Variants in MRC2 observed in about 807,000 individuals in gnomAD.
The protein encoded by MRC2 is C-type mannose receptor 2.
MRC2 carries 84 observed loss-of-function variants against 206.2 expected under a neutral mutation model. That is an observed-to-expected ratio of 0.41 (90% CI 0.34 to 0.49). The LOEUF (loss-of-function observed/expected upper bound fraction) is 0.49. Among genes scored for constraint, MRC2 ranks in the 20% least tolerant of loss-of-function variants. The pLI is 0.31. For missense variants in MRC2, 1,676 were observed against 2,001.5 expected, an observed-to-expected ratio of 0.84 and a Z score of 3.10; for synonymous variants, 798 against 800.0, an observed-to-expected ratio of 1.00 and a Z score of 0.04.
chr17:62,686,929 A>G (rs1282883557), intron 20 of MRC2, among the ~76,000 whole-genome samples: 2 of 152,230 alleles, frequency 1.3e-5, no homozygotes, highest in African/African-American at 4.8e-5. Context: ...TGCATCAGTA[A>G]GGATGGTGCT....
At chr17:62,669,697 C>A (rs1277379484) in intron 6 of MRC2, among the ~76,000 whole-genome samples, 2 of 151,768 alleles carry the variant, frequency 1.3e-5, no homozygotes, top group Non-Finnish European at 2.9e-5. Flanking sequence ...GGATTATAGG[C>A]ATGAGTGTGC....
chr17:62,689,781 C>T (rs766649071), intron 24 of MRC2, 21 bp downstream of exon 24: 1 of 1,533,282 alleles, frequency 6.5e-7, no homozygotes, highest in South Asian at 1.2e-5. Flanking sequence ...GACACTTTTG[C>T]CCTGGGCCCC....
Position 62,692,415 on chromosome 17 carries a change from GGT to G in MRC2, c.4407_4408del (p.Ser1470ArgfsTer6), listed in dbSNP as rs1468194062. 6.4e-7 allele frequency: 1 copy of G among 1,571,340 alleles called. No homozygotes were observed. The highest frequency in any genetic ancestry group is 8.6e-7 in the Non-Finnish European group (1 of 1,158,030). On this transcript the variant is annotated frameshift_variant, in exon 30 of 30. Coordinates refer to ENST00000303375, the MANE Select transcript of MRC2 (RefSeq NM_006039.5). LOFTEE classifies it high-confidence loss of function. The surrounding 1 kb of genome is among the most constrained non-coding windows in gnomAD (Gnocchi z 4.2). Reference protein sequence around the residue: ...PTEATEKNILVSDMEMNEQQE With the variant: ...PTEATEKNILXSDMEMNEQQE ...CCGAGGCCACTGAGAAGAACATCCTGGTGTCAGACATGGAAATGAATGAGCAA... is the reference window on the plus strand; with the variant it reads ...CCGAGGCCACTGAGAAGAACATCCTGGTCAGACATGGAAATGAATGAGCAA...
In MRC2 at chr17:62,680,806, G is replaced by A. The variant is rs767336457; in HGVS notation, c.2480G>A (p.Arg827Gln). 3 of 1,609,862 alleles carry A rather than the reference G, an allele frequency of 1.9e-6. No homozygotes were observed. The highest frequency in any genetic ancestry group is 1.3e-5 in the African/African-American group (1 of 74,874). ...REPDDSPQGR[R>Q]EWLRFQEAEY... ...GCCCGCGCTGCTCCTGCAGGCCGACGGGAATGGCTGCGCTTCCAGGAGGCC... is the reference window on the plus strand; with the variant it reads ...GCCCGCGCTGCTCCTGCAGGCCGACAGGAATGGCTGCGCTTCCAGGAGGCC... The change falls in exon 17 of 30, where the codon CGG becomes CAG. Residue 827 changes from arginine (R) to glutamine (Q), a missense_variant. Transcript: ENST00000303375. This position sits in a 1 kb window ranked among gnomAD's most constrained non-coding sequence, Gnocchi z 4.8.
Position 62,671,750 on chromosome 17 carries a change from A to T in MRC2, c.1219A>T (p.Lys407Ter). The T allele has an allele frequency of 6.2e-7, 1 of 1,613,412 alleles. No individual in the cohort carries two copies. Among genetic ancestry groups the T allele is most frequent in the Non-Finnish European group, 8.5e-7 (1 of 1,179,700 alleles). ...QAEKRSWQESKKACLRGGGDL... is the reference protein window; with the variant it reads ...QAEKRSWQES ...CGAGAAGCGCAGCTGGCAGGAGTCC[A>T]AGAAGGCATGTCTACGGGGCGGTGG... Residue 407 changes from lysine to a stop codon, truncating the protein, a stop_gained, in exon 7 of 30, where the codon AAG becomes TAG. Coordinates refer to ENST00000303375, the MANE Select transcript of MRC2 (RefSeq NM_006039.5). LOFTEE classifies it high-confidence loss of function. The surrounding 1 kb of genome is among the most constrained non-coding windows in gnomAD (Gnocchi z 4.5).
Position 62,690,983 on chromosome 17 carries a change from G to A in MRC2, c.4047G>A (p.Val1349=). Residue 1349 remains valine (V), a synonymous_variant, in exon 28 of 30, where the codon GTG becomes GTA. Coordinates refer to ENST00000303375, the MANE Select transcript of MRC2 (RefSeq NM_006039.5). ...TGGTCTGGCAGGACAACACAGCTGT[G>A]AACTACTCCAACTGGGGGCCCCCGG... ...GTLVWQDNTA[V]NYSNWGPPGL... 1 of 1,608,778 alleles carries A rather than the reference G, an allele frequency of 6.2e-7. No homozygotes were observed. The highest frequency in any genetic ancestry group is 8.5e-7 in the Non-Finnish European group (1 of 1,178,346).
intron 1 of MRC2, among the ~76,000 whole-genome samples, chr17:62,662,560 G>A (rs1301419122): frequency 2.0e-5 from 3 of 152,154 alleles, no homozygotes. Flanking sequence ...TGAGGAAACG[G>A]CATAGAGAGA....
chr17:62,692,625 C>G lies in MRC2; in HGVS notation c.*174C>G. Reference sequence around the variant, plus strand: ...GGGCTGGTGGGGTGCCACCCTCCCACAAGGGCTGGGCTGAGACCCAGCTGA... The same window carrying G: ...GGGCTGGTGGGGTGCCACCCTCCCAGAAGGGCTGGGCTGAGACCCAGCTGA... On this transcript the variant is annotated 3_prime_UTR_variant, in exon 30 of 30. Coordinates refer to ENST00000303375, the MANE Select transcript of MRC2 (RefSeq NM_006039.5). This position sits in a 1 kb window ranked among gnomAD's most constrained non-coding sequence, Gnocchi z 4.2. 1 of 670,722 alleles carries G rather than the reference C, an allele frequency of 1.5e-6. No individual in the cohort carries two copies. The highest frequency in any genetic ancestry group is 2.9e-5 in the Admixed American group (1 of 34,654). The allele number at this position is 670,722 out of a possible 1,614,324, so 41.5% of individuals were successfully genotyped here.
At chr17:62,636,708 G>A (rs145967740) in intron 1 of MRC2, among the ~76,000 whole-genome samples, 719 of 152,068 alleles carry the variant, frequency 4.7e-3, no homozygotes, top group Non-Finnish European at 6.8e-3. Context: ...TCCTGACCTC[G>A]TGATCCGCCC....
chr17:62,644,453 C>T (rs548795686), intron 1 of MRC2, among the ~76,000 whole-genome samples: 1 of 151,842 alleles, frequency 6.6e-6, no homozygotes, highest in Non-Finnish European at 1.5e-5. Context: ...GGCGGGATGC[C>T]GTGGCTCACG....
rs1015461236 is a variant in MRC2 at position 62,631,406 on chromosome 17, C to T, written c.118+3486C>T. Among the ~76,000 whole-genome samples, 6 of 152,148 alleles carry T rather than the reference C, an allele frequency of 3.9e-5. 1 individual carries two copies. The highest frequency in any genetic ancestry group is 4.1e-4 in the South Asian group (2 of 4,824). ...AAGGGAGTCACTCAAGGCTGTGCCA[C>T]CACACCACTAGAAGGTGTTACCAGT... On this transcript the variant is annotated intron_variant, in intron 1 of 29. Transcript: ENST00000303375.
chr17:62,634,356 G>A (rs2429402), intron 1 of MRC2, among the ~76,000 whole-genome samples: 102,049 of 151,824 alleles, frequency 0.67, 34,456 homozygotes, highest in East Asian at 0.82. Context: ...GCTGAAGTGC[G>A]ATGGCGTGGT....
rs1186181083 is a variant in MRC2, at chr17:62,666,944, C to T, written c.973+74C>T. The T allele has an allele frequency of 1.8e-6, 2 of 1,129,474 alleles. No individual in the cohort carries two copies. The highest frequency in any genetic ancestry group is 1.3e-6 in the Non-Finnish European group (1 of 764,430). 70.0% of individuals were successfully genotyped at this position (1,129,474 alleles called of 1,614,324 possible). The stretch of plus-strand genomic sequence containing the variant: ...TCTTGGCCTCCCATGGACTCCTCTC[C>T]TCATGTCCTCCTGCAGAGGGGCAGT... On this transcript the variant is annotated intron_variant, in intron 5 of 29. Coordinates refer to ENST00000303375, the MANE Select transcript of MRC2 (RefSeq NM_006039.5). The surrounding 1 kb of genome is among the most constrained non-coding windows in gnomAD (Gnocchi z 5.0).
intron 28 of MRC2, among the ~76,000 whole-genome samples, chr17:62,691,668 G>T (rs2089113228): frequency 6.6e-6 from 1 of 151,864 alleles, no homozygotes; most frequent in Non-Finnish European, 1.5e-5. Context: ...CTACTTAGGA[G>T]GCTGAGGCAT....
rs1568066663 is a variant in MRC2, at chr17:62,677,505, CG to C, written c.2052+22del. 1.3e-6 allele frequency: 2 copies of C among 1,576,042 alleles called. No individual in the cohort carries two copies. Among genetic ancestry groups the C allele is most frequent in the Admixed American group, 3.5e-5 (2 of 57,950 alleles). On this transcript the variant is annotated intron_variant, in intron 12 of 29. Transcript: ENST00000303375. Reference sequence around the variant, plus strand: ...CTATAAGGTAGGGCAGCCTGTTGGCCGGGTAGGGGGCAGGGGGAGGACAGGA... The same window carrying C: ...CTATAAGGTAGGGCAGCCTGTTGGCCGGTAGGGGGCAGGGGGAGGACAGGA...
intron 1 of MRC2, among the ~76,000 whole-genome samples, chr17:62,630,795 T>G (rs1299642098): frequency 6.6e-6 from 1 of 151,936 alleles, no homozygotes; most frequent in East Asian, 1.9e-4. Flanking sequence ...CATCGGGTAC[T>G]TGGGGCTCTG....
intron 1 of MRC2, chr17:62,661,573 CTTCA>C (rs958090422): frequency 2.9e-4 from 27 of 92,628 alleles, no homozygotes; most frequent in African/African-American, 1.1e-3. Flanking sequence ...TCCTTCCTTC[CTTCA>C]TTCCTTCCTT....
At chr17:62,642,898 T>C (rs1014730474) in intron 1 of MRC2, among the ~76,000 whole-genome samples, 1 of 152,150 alleles carries the variant, frequency 6.6e-6, no homozygotes, top group Non-Finnish European at 1.5e-5. Context: ...ATAGAATGGA[T>C]GAATTGTGGC....
chr17:62,634,087 T>C (rs141703172), intron 1 of MRC2, among the ~76,000 whole-genome samples: 332 of 152,188 alleles, frequency 2.2e-3, no homozygotes, highest in African/African-American at 7.6e-3. Flanking sequence ...TTCTTGATGA[T>C]ATGCTAAACA....
Sources: allele counts gnomAD v4.1 joint callset (sites outside exome capture counted in the v4.1 genomes callset), GRCh38; gene constraint gnomAD v4.1.1; non-coding constraint Gnocchi (gnomAD v3.1); transcripts MANE v1.5; gene names NCBI Gene and HGNC (gene_info 2026-07-23, HGNC 2026-07-21).